Variants in PLEKHA6 observed in about 807,000 individuals in gnomAD.
The protein encoded by PLEKHA6 is pleckstrin homology domain containing A6.
A neutral mutation model predicts 116.7 loss-of-function variants in PLEKHA6; 60 were observed. The observed-to-expected ratio is 0.51, with a 90% CI of 0.42 to 0.64. PLEKHA6 has a LOEUF of 0.64. Ranked by LOEUF, PLEKHA6 falls within the 30% of genes least tolerant of loss-of-function variation. The pLI is 0.00. For synonymous variants in PLEKHA6, 489 were observed against 556.1 expected, an observed-to-expected ratio of 0.88 and a Z score of 1.70; for missense variants, 1,338 against 1,422.7, an observed-to-expected ratio of 0.94 and a Z score of 0.96.
chr1:204,373,420 A>G (rs1207060021), intron 1 of PLEKHA6, among the ~76,000 whole-genome samples: 3 of 151,730 alleles, frequency 2.0e-5, no homozygotes, highest in African/African-American at 7.3e-5. Flanking sequence ...AGGTCTTACT[A>G]TGTTGCCCAG....
intron 1 of PLEKHA6, among the ~76,000 whole-genome samples, chr1:204,342,260 T>C (rs1185298694): frequency 6.6e-6 from 1 of 151,892 alleles, no homozygotes; most frequent in African/African-American, 2.4e-5. Flanking sequence ...TAGTCCCAGC[T>C]ATTCGGGAGG....
Position 204,317,510 on chromosome 1 carries a change from C to T in PLEKHA6, c.-95+42184G>A, listed in dbSNP as rs566135084. 2.0e-4 allele frequency among the ~76,000 whole-genome samples: 31 copies of T among 152,286 alleles called. No individual in the cohort carries two copies. In the South Asian group the frequency reaches 6.4e-3, roughly 32 times the overall value. On this transcript the variant is annotated intron_variant, in intron 1 of 22. Transcript: ENST00000272203. ...TAGGAACAGGAGGCACCTTCTCATCCATCTCAGAGCCCCACCAACACTCCC... is the reference window on the plus strand; with the variant it reads ...TAGGAACAGGAGGCACCTTCTCATCTATCTCAGAGCCCCACCAACACTCCC...
chr1:204,264,795 C>T, intron 6 of PLEKHA6, 147 bp downstream of exon 6: 1 of 698,066 alleles, frequency 1.4e-6, no homozygotes, highest in Middle Eastern at 3.6e-4. Context: ...ATTACTACTC[C>T]TCCTCCCCCA....
At chr1:204,280,365 C>A in intron 1 of PLEKHA6, 1 of 985,432 alleles carries the variant, frequency 1.0e-6, no homozygotes. Flanking sequence ...TGCACACACA[C>A]TCCCAGGCTG....
At chr1:204,355,086 C>T (rs1673378383) in intron 1 of PLEKHA6, among the ~76,000 whole-genome samples, 1 of 152,206 alleles carries the variant, frequency 6.6e-6, no homozygotes, top group East Asian at 1.9e-4. Context: ...CAAGAAAGAA[C>T]TTGAGGGTCT....
chr1:204,309,790 A>G (rs1671591277), intron 1 of PLEKHA6: 1 of 704,462 alleles, frequency 1.4e-6, no homozygotes, highest in Admixed American at 6.3e-5. Context: ...ATTTGCCTAG[A>G]GCAGGAGTCA....
At position 204,222,401 on chromosome 1, in the gene PLEKHA6, T is replaced by A. The variant is rs1659747504; in HGVS notation, c.*387A>T. ...TCCTCACATAAGATAGCCACAGGTG[T>A]GTTCTCCACCACGGCATGTCCCCCA... is the stretch of plus-strand genomic sequence containing the variant. On this transcript the variant is annotated 3_prime_UTR_variant, in exon 23 of 23. Transcript: ENST00000272203. The A allele has an allele frequency of 6.5e-6, 1 of 152,680 alleles. No individual in the cohort carries two copies. The highest frequency in any genetic ancestry group is 1.5e-5 in the Non-Finnish European group (1 of 68,156). 9.5% of individuals were successfully genotyped at this position (152,680 alleles called of 1,614,324 possible).
intron 1 of PLEKHA6, among the ~76,000 whole-genome samples, chr1:204,358,960 T>C (rs1673492734): frequency 8.0e-6 from 1 of 125,554 alleles, no homozygotes; most frequent in African/African-American, 3.1e-5. Context: ...GTAGCCCTCC[T>C]TACCCTTCTC....
chr1:204,261,365 C>T lies in PLEKHA6; in HGVS notation c.465G>A (p.Glu155=), dbSNP rs780153273. 1 of 1,614,192 alleles carries T rather than the reference C, an allele frequency of 6.2e-7. No homozygotes were observed. Among genetic ancestry groups the T allele is most frequent in the African/African-American group, 1.3e-5 (1 of 75,050 alleles). Residue 155 remains glutamate (E), a synonymous_variant, in exon 7 of 23, where the codon GAG becomes GAA. Transcript: ENST00000272203. The surrounding 1 kb of genome is among the most constrained non-coding windows in gnomAD (Gnocchi z 4.0). ...EQEAWIQAMG[E]AARVQIPPAQ... is the part of the protein sequence containing the mutation. ...CTGGAGGGATCTGTACTCGAGCAGC[C>T]TCCCCCATGGCCTGGATCCAGGCCT...
At chr1:204,272,646 C>T (rs1667587852) in intron 3 of PLEKHA6, among the ~76,000 whole-genome samples, 1 of 152,296 alleles carries the variant, frequency 6.6e-6, no homozygotes, top group African/African-American at 2.4e-5. Context: ...ACCTTTCCTT[C>T]CTCCCTAGAG....
intron 1 of PLEKHA6, among the ~76,000 whole-genome samples, chr1:204,335,592 C>T (rs1256613629): frequency 1.3e-5 from 2 of 152,068 alleles, no homozygotes; most frequent in Non-Finnish European, 2.9e-5. Context: ...ATTGAGGGAA[C>T]ACCATGCAGC....
intron 6 of PLEKHA6, among the ~76,000 whole-genome samples, chr1:204,263,055 G>A (rs966216011): frequency 2.0e-5 from 3 of 152,168 alleles, no homozygotes; most frequent in Admixed American, 6.5e-5. Flanking sequence ...TGCAGAACTC[G>A]CTGGGGGCAC....
intron 1 of PLEKHA6, among the ~76,000 whole-genome samples, chr1:204,281,474 G>A (rs1371303182): frequency 2.0e-5 from 3 of 151,964 alleles, no homozygotes; most frequent in African/African-American, 7.3e-5. Flanking sequence ...GCAGTGAGCC[G>A]AGATTGCGCC....
At position 204,238,274 on chromosome 1, in the gene PLEKHA6, G is replaced by A. The variant is rs1662340100; in HGVS notation, c.2409+3101C>T. On this transcript the variant is annotated intron_variant, in intron 17 of 22. Transcript: ENST00000272203. This position sits in a 1 kb window ranked among gnomAD's most constrained non-coding sequence, Gnocchi z 4.2. The stretch of plus-strand genomic sequence containing the variant: ...CAGCGGATCCAATGGTGCTTGAGGT[G>A]TCAGTGACAGATCGGGATGCTGTTT... 2.0e-5 allele frequency among the ~76,000 whole-genome samples: 3 copies of A among 152,206 alleles called. No individual in the cohort carries two copies. The highest frequency in any genetic ancestry group is 1.3e-4 in the Admixed American group (2 of 15,286).
At chr1:204,372,325 G>A (rs1673791554) in intron 1 of PLEKHA6, among the ~76,000 whole-genome samples, 3 of 152,102 alleles carry the variant, frequency 2.0e-5, no homozygotes, top group South Asian at 4.1e-4. Flanking sequence ...CAGCAACACA[G>A]ACCCTCTGGG....
chr1:204,330,922 C>T (rs1042382373), intron 1 of PLEKHA6, among the ~76,000 whole-genome samples: 1 of 152,142 alleles, frequency 6.6e-6, no homozygotes, highest in South Asian at 2.1e-4. Context: ...CGGCCAGGCA[C>T]GTTGGCTCAC....
At chr1:204,285,795 G>A (rs989429230) in intron 1 of PLEKHA6, among the ~76,000 whole-genome samples, 3 of 152,236 alleles carry the variant, frequency 2.0e-5, no homozygotes, top group African/African-American at 7.2e-5. Flanking sequence ...TCATCCAGCA[G>A]CTTAAGGAGG....
chr1:204,300,018 C>A (rs548671335), intron 1 of PLEKHA6, among the ~76,000 whole-genome samples: 1 of 152,240 alleles, frequency 6.6e-6, no homozygotes, highest in South Asian at 2.1e-4. Flanking sequence ...AGAGATGACC[C>A]AGAAATGGCA....
At position 204,228,206 on chromosome 1, in the gene PLEKHA6, C is replaced by CCCTTCA; in HGVS notation, c.2907_2908insTGAAGG (p.Ile969_Gly970insTer). 6.2e-7 allele frequency: 1 copy of CCCTTCA among 1,609,554 alleles called. No individual in the cohort carries two copies. The highest frequency in any genetic ancestry group is 1.3e-5 in the African/African-American group (1 of 74,932). On this transcript the variant is annotated stop_gained and inframe_insertion, in exon 21 of 23. Coordinates refer to ENST00000272203, the MANE Select transcript of PLEKHA6 (RefSeq NM_014935.5). LOFTEE classifies it high-confidence loss of function. The surrounding 1 kb of genome is among the most constrained non-coding windows in gnomAD (Gnocchi z 4.0). ...GGCACGTCCACAGAGTCCCCCTCGC[C>CCCTTCA]GATGGGCACCACGTTCTGCATACTG...
Sources: gnomAD v4.1 joint callset for allele counts (sites outside exome capture counted in the v4.1 genomes callset) on GRCh38, gnomAD v4.1.1 for gene constraint, Gnocchi (gnomAD v3.1) non-coding constraint, MANE v1.5 for transcripts, NCBI Gene and HGNC (gene_info 2026-07-23, HGNC 2026-07-21) for gene names.